GALK2: variants seen among roughly 807,000 people sequenced by gnomAD.
GALK2 encodes N-acetylgalactosamine kinase.
GALK2 carries 36 observed loss-of-function variants against 52.4 expected under a neutral mutation model. The observed-to-expected ratio is 0.69, with a 90% confidence interval of 0.53 to 0.91. GALK2 has a LOEUF of 0.91. GALK2 is among the 40% of genes least tolerant of loss of function. The pLI is 0.00. For synonymous variants in GALK2, 176 were observed against 199.1 expected (o/e 0.88, Z 0.98); for missense variants, 579 against 559.1 (o/e 1.04, Z -0.36).
rs919702947 is a variant in GALK2, at chr15:49,217,185, TC to T, written c.143-4del. The stretch of plus-strand genomic sequence containing the variant: ...ATGATTAAAAAAGCTTTCTCTTTTT[TC>T]TAGGAGAGCATATAGATTATTGTGG... On this transcript the variant is annotated splice_region_variant and splice_polypyrimidine_tract_variant and intron_variant, in intron 2 of 9. Coordinates refer to ENST00000560031, the MANE Select transcript of GALK2 (RefSeq NM_002044.4). 6.2e-7 allele frequency: 1 copy of T among 1,605,706 alleles called. No individual in the cohort carries two copies. Among genetic ancestry groups the T allele is most frequent in the African/African-American group, 1.3e-5 (1 of 74,568 alleles).
At chr15:49,175,871 A>G (rs1023198001) in intron 1 of GALK2, among the ~76,000 whole-genome samples, 2 of 152,138 alleles carry the variant, frequency 1.3e-5, no homozygotes, top group African/African-American at 4.8e-5. Flanking sequence ...TTACCAGTGT[A>G]TGCATCCCCC....
At chr15:49,181,038 T>TCCTC in intron 1 of GALK2, among the ~76,000 whole-genome samples, 1 of 127,886 alleles carries the variant, frequency 7.8e-6, no homozygotes, top group South Asian at 2.5e-4. Context: ...CTTCCTTCCT[T>TCCTC]CCTTCCTTCC....
At chr15:49,276,970 CT>C (rs1233754984) in intron 5 of GALK2, among the ~76,000 whole-genome samples, 194 of 28,320 alleles carry the variant, frequency 6.9e-3, no homozygotes, top group Non-Finnish European at 8.7e-3. Flanking sequence ...TTTTTCTTTT[CT>C]TTTTTTTTTT....
At chr15:49,237,315 T>C (rs1264094266) in intron 4 of GALK2, among the ~76,000 whole-genome samples, 3 of 152,188 alleles carry the variant, frequency 2.0e-5, no homozygotes, top group Admixed American at 6.5e-5. Context: ...TACTAGAAAG[T>C]TTCAGAGAAT....
intron 7 of GALK2, among the ~76,000 whole-genome samples, chr15:49,284,018 A>G (rs1250631703): frequency 1.3e-5 from 2 of 152,208 alleles, no homozygotes; most frequent in Non-Finnish European, 2.9e-5. Context: ...GGGAATGACC[A>G]CAGCTGGTCT....
exon 4 of GALK2, chr15:49,367,636 A>C (rs374422980): frequency 1.3e-6 from 2 of 1,529,126 alleles, no homozygotes; most frequent in Non-Finnish European, 8.7e-7. Flanking sequence ...TAATCAAGAC[A>C]ACGATTACTT....
intron 3 of GALK2, among the ~76,000 whole-genome samples, chr15:49,338,895 A>C (rs1030704104): frequency 1.3e-5 from 2 of 152,118 alleles, no homozygotes; most frequent in Non-Finnish European, 2.9e-5. Flanking sequence ...AGTCTCTGAT[A>C]TCCTTTCTAC....
chr15:49,304,225 C>T (rs7167989), intron 8 of GALK2, among the ~76,000 whole-genome samples: 1 of 152,188 alleles, frequency 6.6e-6, no homozygotes, highest in Admixed American at 6.5e-5. Context: ...TAAGTGTTCT[C>T]TTTGTATACA....
At chr15:49,354,374 G>C (rs1404481936) in intron 3 of GALK2, among the ~76,000 whole-genome samples, 1 of 152,164 alleles carries the variant, frequency 6.6e-6, no homozygotes, top group Non-Finnish European at 1.5e-5. Context: ...AGTGGGCGCA[G>C]GTCAGTGGGT....
rs1342680144 is a variant in GALK2 at position 49,235,865 on chromosome 15, G to A, written c.281G>A (p.Ser94Asn). The A allele has an allele frequency of 1.9e-6, 3 of 1,612,288 alleles. No individual in the cohort carries two copies. Among genetic ancestry groups the A allele is most frequent in the Middle Eastern group, 1.7e-4 (1 of 6,056 alleles). ...TGTCTTCGCAGGGACTTCAGTACTAGTGCTAATAACATCCAGATTGATAAA... is the reference window on the plus strand; with the variant it reads ...TGTCTTCGCAGGGACTTCAGTACTAATGCTAATAACATCCAGATTGATAAA... ...TNPLYPDFST[S>N]ANNIQIDKTK... Residue 94 changes from serine to asparagine, a missense_variant, in exon 4 of 10, where the codon AGT becomes AAT. Ser to Asn is a conservative substitution (Grantham distance 46, BLOSUM62 1). Coordinates refer to ENST00000560031, the MANE Select transcript of GALK2 (RefSeq NM_002044.4).
At chr15:49,320,031 A>C (rs1165261828) in intron 9 of GALK2, among the ~76,000 whole-genome samples, 1 of 152,108 alleles carries the variant, frequency 6.6e-6, no homozygotes, top group Non-Finnish European at 1.5e-5. Context: ...GTTTGGAGTC[A>C]GTTTGGAGTC....
At chr15:49,338,221 G>C (rs1420582213) in intron 3 of GALK2, among the ~76,000 whole-genome samples, 1 of 152,106 alleles carries the variant, frequency 6.6e-6, no homozygotes, top group Non-Finnish European at 1.5e-5. Context: ...TTTCTTTATA[G>C]CATTGATGGT....
chr15:49,299,690 G>A (rs1263093546), intron 8 of GALK2, among the ~76,000 whole-genome samples: 2 of 144,888 alleles, frequency 1.4e-5, no homozygotes, highest in South Asian at 4.6e-4. Context: ...GTATGGTTTT[G>A]AGAGATCTTC....
intron 3 of GALK2, among the ~76,000 whole-genome samples, chr15:49,345,410 A>C (rs941997957): frequency 3.3e-5 from 5 of 152,172 alleles, no homozygotes; most frequent in Non-Finnish European, 7.3e-5. Flanking sequence ...TTTCTTGTAC[A>C]ACTCAGTGGT....
intron 5 of GALK2, among the ~76,000 whole-genome samples, chr15:49,257,546 G>C (rs150681168): frequency 6.6e-6 from 1 of 152,112 alleles, no homozygotes; most frequent in Non-Finnish European, 1.5e-5. Context: ...GCATTACATA[G>C]CTATTATAAC....
At chr15:49,215,427 TCTC>T (rs2089292687) in intron 2 of GALK2, among the ~76,000 whole-genome samples, 2 of 152,198 alleles carry the variant, frequency 1.3e-5, no homozygotes, top group Admixed American at 6.5e-5. Context: ...TAAAATTATT[TCTC>T]TTTTCTCTCC....
intron 5 of GALK2, among the ~76,000 whole-genome samples, chr15:49,246,595 T>C (rs966877652): frequency 1.3e-5 from 2 of 152,180 alleles, no homozygotes; most frequent in Non-Finnish European, 2.9e-5. Context: ...AATTCTTGTA[T>C]GTGGATATCT....
intron 8 of GALK2, 115 bp downstream of exon 8, chr15:49,292,652 G>T: frequency 2.5e-6 from 2 of 789,934 alleles, no homozygotes; most frequent in Non-Finnish European, 4.0e-6. Flanking sequence ...CTGTGTTTTG[G>T]CAAGCTTAAT....
At chr15:49,312,668 C>T (rs920155754) in intron 8 of GALK2, among the ~76,000 whole-genome samples, 3 of 152,166 alleles carry the variant, frequency 2.0e-5, no homozygotes, top group Admixed American at 2.0e-4. Context: ...CACTGGAGAA[C>T]CCTGATTAGT....
Sources: allele counts gnomAD v4.1 joint callset (sites outside exome capture counted in the v4.1 genomes callset), GRCh38; gene constraint gnomAD v4.1.1; transcripts MANE v1.5; gene names NCBI Gene and HGNC (gene_info 2026-07-23, HGNC 2026-07-21).